TTC4: variants seen among roughly 807,000 people sequenced by gnomAD.
The protein encoded by TTC4 is tetratricopeptide repeat domain 4.
A neutral mutation model predicts 51.9 loss-of-function variants in TTC4; 36 were observed. The ratio of observed to expected loss-of-function variants is 0.69; its 90% CI spans 0.53 to 0.92. TTC4 has a LOEUF of 0.92. TTC4 is among the 40% of genes least tolerant of loss of function. The pLI is 0.00. For synonymous variants in TTC4, 144 were observed against 164.2 expected, an observed-to-expected ratio of 0.88 and a Z score of 0.94; for missense variants, 399 against 454.6, an observed-to-expected ratio of 0.88 and a Z score of 1.11.
intron 7 of TTC4, among the ~76,000 whole-genome samples, 179 bp from the exon 8 acceptor site, chr1:54,733,450 A>G (rs1218280268): frequency 6.6e-6 from 1 of 151,744 alleles, no homozygotes; most frequent in African/African-American, 2.4e-5. Context: ...ATAAAATAAA[A>G]TTATGTCATA....
chr1:54,726,749 C>T (rs1021061689), intron 5 of TTC4, among the ~76,000 whole-genome samples: 1 of 152,196 alleles, frequency 6.6e-6, no homozygotes, highest in African/African-American at 2.4e-5. Flanking sequence ...GATGGCAATA[C>T]TCCCAAAATT....
intron 7 of TTC4, 110 bp from the exon 8 acceptor site, chr1:54,733,519 C>A: frequency 1.4e-6 from 1 of 726,286 alleles, no homozygotes; most frequent in Non-Finnish European, 2.2e-6. Context: ...GTTAAGCCTG[C>A]ATTTCATGTT....
intron 3 of TTC4, among the ~76,000 whole-genome samples, chr1:54,720,506 TTTA>T (rs200924548): frequency 0.015 from 2,030 of 135,034 alleles, 98 homozygotes; most frequent in East Asian, 0.13. Flanking sequence ...TTTTTTTTTT[TTTA>T]AATAGGCTTC....
At chr1:54,728,982 C>T (rs972173599) in intron 6 of TTC4, among the ~76,000 whole-genome samples, 1 of 152,124 alleles carries the variant, frequency 6.6e-6, no homozygotes. Context: ...GAAATTTCAC[C>T]TTTTTACTTA....
At chr1:54,733,783 G>T in intron 8 of TTC4, 73 bp downstream of exon 8, 2 of 984,416 alleles carry the variant, frequency 2.0e-6, no homozygotes, top group Non-Finnish European at 3.0e-6. Flanking sequence ...TGCGGCGGGG[G>T]AAGCAGTCTG....
At chr1:54,733,780 G>A (rs1227160745) in intron 8 of TTC4, 70 bp downstream of exon 8, 17 of 1,001,758 alleles carry the variant, frequency 1.7e-5, no homozygotes, top group Non-Finnish European at 2.2e-5. Context: ...TTTTGCGGCG[G>A]GGGAAGCAGT....
rs765053503 is a variant in TTC4, at chr1:54,737,564, C to T, written c.979-18C>T. 6.2e-7 allele frequency: 1 copy of T among 1,612,614 alleles called. No individual in the cohort carries two copies. The highest frequency in any genetic ancestry group is 1.1e-5 in the South Asian group (1 of 90,828). ...GAAGCCTTTATCTCTGACTCTTGCC[C>T]TTCTGTTAATCTTGCAGGTCTACTT... On this transcript the variant is annotated intron_variant, in intron 8 of 9. Transcript: ENST00000371281.
At chr1:54,716,094 C>T (rs1645672204) in intron 1 of TTC4, 75 bp downstream of exon 1, 3 of 1,190,480 alleles carry the variant, frequency 2.5e-6, no homozygotes, top group African/African-American at 1.5e-5. Flanking sequence ...CTCTGGGGCA[C>T]CTCCTTCAAT....
intron 5 of TTC4, among the ~76,000 whole-genome samples, chr1:54,726,719 A>G (rs1297925909): frequency 2.0e-5 from 3 of 152,268 alleles, no homozygotes; most frequent in Non-Finnish European, 4.4e-5. Flanking sequence ...ATGTTCATAG[A>G]TTAGATCTTA....
chr1:54,727,055 C>CAAAAAAAAAAAAAAA (rs56739564), intron 5 of TTC4, among the ~76,000 whole-genome samples: 1 of 102,920 alleles, frequency 9.7e-6, no homozygotes, highest in Non-Finnish European at 2.2e-5. Flanking sequence ...TCATGAAAGA[C>CAAAAAAAAAAAAAAA]AAAAAAAAAA....
intron 7 of TTC4, among the ~76,000 whole-genome samples, chr1:54,732,320 C>CA (rs1180940323): frequency 0.029 from 471 of 16,094 alleles, 24 homozygotes; most frequent in African/African-American, 0.11. Context: ...GACTCTGTCT[C>CA]AAAAAAAAAA....
At chr1:54,722,464 G>A (rs1288033511) in intron 4 of TTC4, among the ~76,000 whole-genome samples, 1 of 152,150 alleles carries the variant, frequency 6.6e-6, no homozygotes, top group South Asian at 2.1e-4. Flanking sequence ...AGACTTACAG[G>A]AGTTTTGAAC....
Position 54,737,648 on chromosome 1 carries a change from G to A in TTC4, c.1045G>A (p.Val349Ile), listed in dbSNP as rs373862887. 8.7e-6 allele frequency: 14 copies of A among 1,612,702 alleles called. No individual in the cohort carries two copies. The highest frequency in any genetic ancestry group is 2.7e-5 in the African/African-American group (2 of 74,874). Reference protein sequence around the residue: ...RVPAKSTLLQVLQHQRYFVKA... With the variant: ...RVPAKSTLLQILQHQRYFVKA... Reference sequence around the variant, plus strand: ...GCCTGCCAAGAGCACCTTGCTACAGGTTCTACAGCACCAGAGGTGAGTCAT... The same window carrying A: ...GCCTGCCAAGAGCACCTTGCTACAGATTCTACAGCACCAGAGGTGAGTCAT... The change falls in exon 9 of 10, where the codon GTT becomes ATT. Residue 349 changes from valine (V) to isoleucine (I), a missense_variant. Transcript: ENST00000371281.
intron 6 of TTC4, among the ~76,000 whole-genome samples, chr1:54,729,556 T>TAAC (rs1263478422): frequency 6.6e-6 from 1 of 152,172 alleles, no homozygotes; most frequent in African/African-American, 2.4e-5. Context: ...GTTGTTCCTA[T>TAAC]AACAACAACA....
intron 4 of TTC4, 35 bp from the exon 5 acceptor site, chr1:54,722,640 T>A: frequency 5.0e-6 from 8 of 1,606,440 alleles, no homozygotes; most frequent in Non-Finnish European, 6.8e-6. Flanking sequence ...TCCATGCATG[T>A]TTTTCTTGAA....
chr1:54,721,611 G>A (rs1336424184), intron 4 of TTC4, among the ~76,000 whole-genome samples: 1 of 152,142 alleles, frequency 6.6e-6, no homozygotes, highest in Non-Finnish European at 1.5e-5. Flanking sequence ...GTGCTGAGAT[G>A]TTCTCAGATT....
At chr1:54,726,533 A>G (rs1207817200) in intron 5 of TTC4, among the ~76,000 whole-genome samples, 4 of 152,252 alleles carry the variant, frequency 2.6e-5, no homozygotes, top group Non-Finnish European at 5.9e-5. Context: ...TTTGTATTCT[A>G]TAGATTTTTA....
chr1:54,739,786 T>C (rs1286856890), intron 9 of TTC4, among the ~76,000 whole-genome samples: 1 of 152,330 alleles, frequency 6.6e-6, no homozygotes, highest in East Asian at 1.9e-4. Flanking sequence ...AAAGCTAAGT[T>C]AGGGCCATAC....
At chr1:54,719,458 A>G (rs1645717412) in intron 3 of TTC4, among the ~76,000 whole-genome samples, 1 of 152,050 alleles carries the variant, frequency 6.6e-6, no homozygotes, top group Admixed American at 6.6e-5. Flanking sequence ...CTTTGTCTTT[A>G]TGGGAGAGAG....
Sources: gnomAD v4.1 joint callset for allele counts (sites outside exome capture counted in the v4.1 genomes callset) on GRCh38, gnomAD v4.1.1 for gene constraint, MANE v1.5 for transcripts, NCBI Gene and HGNC (gene_info 2026-07-23, HGNC 2026-07-21) for gene names.